SKAP1: variants seen among roughly 807,000 people sequenced by gnomAD.
SKAP1 encodes the protein src kinase-associated phosphoprotein 1.
Under a neutral mutation model 58.5 loss-of-function variants are expected in SKAP1, and 44 were observed. The observed-to-expected ratio is 0.75, with a 90% CI of 0.59 to 0.97. SKAP1 has a LOEUF of 0.97. SKAP1 is among the 50% of genes least tolerant of loss of function. The probability of loss-of-function intolerance (pLI) is 0.00; values close to 1 mark genes in which losing one functional copy is unlikely to be tolerated. For missense variants in SKAP1, 390 were observed against 435.2 expected (o/e 0.90, Z 0.92); for synonymous variants, 127 against 149.7 (o/e 0.85, Z 1.11).
chr17:48,413,523 A>AAAAAAAAAAAAAAAAAAAAAAAAT, intron 1 of SKAP1, among the ~76,000 whole-genome samples: 31 of 105,486 alleles, frequency 2.9e-4, no homozygotes, highest in African/African-American at 1.3e-3. Context: ...TCAAAAAAAA[A>AAAAAAAAAAAAAAAAAAAAAAAAT]ATATATATAT....
At chr17:48,190,877 C>A (rs763867357) in intron 4 of SKAP1, among the ~76,000 whole-genome samples, 7 of 152,070 alleles carry the variant, frequency 4.6e-5, no homozygotes, top group Non-Finnish European at 7.4e-5. Flanking sequence ...CCCAGCTACT[C>A]GGGAGGATGA....
At chr17:48,264,745 A>AAC (rs55733017) in intron 4 of SKAP1, among the ~76,000 whole-genome samples, 17,965 of 142,746 alleles carry the variant, frequency 0.13, 1,088 homozygotes, top group Middle Eastern at 0.18. Context: ...AAATCTACAA[A>AAC]ACACACACAC....
chr17:48,360,615 AT>A (rs1317790982), intron 3 of SKAP1, among the ~76,000 whole-genome samples: 4 of 152,224 alleles, frequency 2.6e-5, no homozygotes, highest in Non-Finnish European at 5.9e-5. Flanking sequence ...TCAAGTAAAA[AT>A]AAAAAGCCTC....
At chr17:48,435,567 T>C in the SKAP1 span, among the ~76,000 whole-genome samples, 1 of 152,240 alleles carries the variant, frequency 6.6e-6, no homozygotes, top group Non-Finnish European at 1.5e-5. Flanking sequence ...AGTCTTTTCT[T>C]CTGGGGGATT....
the SKAP1 span, among the ~76,000 whole-genome samples, chr17:48,439,998 C>G: frequency 7.9e-5 from 12 of 152,306 alleles, no homozygotes; most frequent in East Asian, 2.3e-3. Flanking sequence ...CATCTCTTCC[C>G]CTTCCTCTTA....
chr17:48,405,422 TTTC>T (rs1447930153), intron 1 of SKAP1, among the ~76,000 whole-genome samples: 4 of 82,250 alleles, frequency 4.9e-5, no homozygotes, highest in African/African-American at 1.5e-4. Context: ...TCTTTCTTTC[TTTC>T]TTTCTTTCTT....
chr17:48,201,801 A>T (rs2064731295), intron 4 of SKAP1, among the ~76,000 whole-genome samples: 1 of 152,366 alleles, frequency 6.6e-6, no homozygotes, highest in African/African-American at 2.4e-5. Flanking sequence ...AGAAGAAACA[A>T]TAAACAGGCA....
chr17:48,294,112 T>C (rs746888644), intron 4 of SKAP1, among the ~76,000 whole-genome samples: 28 of 152,236 alleles, frequency 1.8e-4, no homozygotes, highest in Admixed American at 7.2e-4. Context: ...AGAATCACCA[T>C]TTGTTTTCTT....
intron 4 of SKAP1, among the ~76,000 whole-genome samples, chr17:48,246,012 A>G (rs956170055): frequency 1.3e-5 from 2 of 152,028 alleles, no homozygotes; most frequent in African/African-American, 4.8e-5. Flanking sequence ...AACAACAAAA[A>G]AACCCACAAA....
chr17:48,268,854 T>C (rs191258213), intron 4 of SKAP1, among the ~76,000 whole-genome samples: 3 of 152,232 alleles, frequency 2.0e-5, no homozygotes, highest in Admixed American at 2.0e-4. Flanking sequence ...TTTAAGTTAC[T>C]TGATAAAACA....
chr17:48,414,901 T>C (rs2067713216), intron 1 of SKAP1, among the ~76,000 whole-genome samples: 1 of 152,238 alleles, frequency 6.6e-6, no homozygotes, highest in African/African-American at 2.4e-5. Flanking sequence ...TTCACAAAGC[T>C]GCTCTTCTGT....
intron 12 of SKAP1, among the ~76,000 whole-genome samples, chr17:48,134,453 G>C (rs2063674173): frequency 6.6e-6 from 1 of 151,892 alleles, no homozygotes; most frequent in African/African-American, 2.4e-5. Context: ...TGAGTAGCCG[G>C]GTTACAGGCG....
chr17:48,143,189 CT>C lies in SKAP1; in HGVS notation c.979-5853del, dbSNP rs1329483693. Among the ~76,000 whole-genome samples, 662 of 106,304 alleles carry C rather than the reference CT, an allele frequency of 6.2e-3. 3 individuals carry two copies. The highest frequency in any genetic ancestry group is 0.016 in the East Asian group (67 of 4,160). 69.7% of individuals were successfully genotyped at this position (106,304 alleles called of 152,430 possible). A position where few individuals can be genotyped will look rare whatever the true frequency, so the allele number is the denominator to read the frequency against. Reference sequence around the variant, plus strand: ...TGGGAAATTACCTATAATTCTTTAGCTTTTTTTTTTTTTTTTTTTTGGGAGA... The same window carrying C: ...TGGGAAATTACCTATAATTCTTTAGCTTTTTTTTTTTTTTTTTTTGGGAGA... On this transcript the variant is annotated intron_variant, in intron 11 of 12. Transcript: ENST00000336915.
intron 11 of SKAP1, among the ~76,000 whole-genome samples, chr17:48,143,231 T>C (rs1046323932): frequency 2.2e-5 from 3 of 138,706 alleles, no homozygotes; most frequent in African/African-American, 8.3e-5. Context: ...TTTCACTCCC[T>C]TCACCTAGGC....
chr17:48,225,193 G>A (rs2065053884), intron 4 of SKAP1, among the ~76,000 whole-genome samples: 1 of 152,184 alleles, frequency 6.6e-6, no homozygotes, highest in Admixed American at 6.6e-5. Context: ...AAATATAAAT[G>A]GGATTGAATG....
At chr17:48,351,270 A>T (rs553658141) in intron 3 of SKAP1, among the ~76,000 whole-genome samples, 1 of 152,256 alleles carries the variant, frequency 6.6e-6, no homozygotes, top group African/African-American at 2.4e-5. Context: ...ATATTCATGC[A>T]TTAGAAAATG....
At chr17:48,161,236 G>T (rs2064063678) in intron 11 of SKAP1, among the ~76,000 whole-genome samples, 1 of 152,096 alleles carries the variant, frequency 6.6e-6, no homozygotes, top group South Asian at 2.1e-4. Flanking sequence ...AAAGATAAAA[G>T]ATACTGACAC....
chr17:48,332,045 A>C (rs2066513268), intron 4 of SKAP1, among the ~76,000 whole-genome samples: 1 of 152,128 alleles, frequency 6.6e-6, no homozygotes, highest in Admixed American at 6.5e-5. Flanking sequence ...CTAAGTAGAA[A>C]AGTAACTTGT....
At chr17:48,379,940 C>T (rs1039769747) in intron 2 of SKAP1, among the ~76,000 whole-genome samples, 14 of 152,148 alleles carry the variant, frequency 9.2e-5, no homozygotes, top group Non-Finnish European at 1.9e-4. Flanking sequence ...CCTTGGCCTC[C>T]CAAAGTGCTG....
Sources: gnomAD v4.1 joint callset for allele counts (sites outside exome capture counted in the v4.1 genomes callset) on GRCh38, gnomAD v4.1.1 for gene constraint, MANE v1.5 for transcripts, NCBI Gene and HGNC (gene_info 2026-07-23, HGNC 2026-07-21) for gene names.